The following CEP120 variants were observed in gnomAD, a reference collection of about 807,000 sequenced individuals.
CEP120 encodes centrosomal protein 120.
Under a neutral mutation model 126.5 loss-of-function variants are expected in CEP120, and 113 were observed. The observed-to-expected ratio is 0.89, with a 90% CI of 0.77 to 1.04. The LOEUF (loss-of-function observed/expected upper bound fraction) is 1.04. CEP120 is among the 50% of genes least tolerant of loss of function. CEP120 has a pLI of 0.00. For missense variants in CEP120, 1,230 were observed against 1,155.7 expected (o/e 1.06, Z -0.93); for synonymous variants, 400 against 394.3 (o/e 1.01, Z -0.17).
At chr5:123,374,969 C>G (rs1580669800) in intron 16 of CEP120, among the ~76,000 whole-genome samples, 1 of 152,082 alleles carries the variant, frequency 6.6e-6, no homozygotes, top group African/African-American at 2.4e-5. Context: ...CTGCTATAAT[C>G]TATTTGAGTA....
chr5:123,393,239 G>A, intron 6 of CEP120, 61 bp downstream of exon 6: 2 of 1,437,012 alleles, frequency 1.4e-6, no homozygotes, highest in South Asian at 2.3e-5. Context: ...GTTTAGTTTA[G>A]GTACTAAATT....
chr5:123,389,783 A>G lies in CEP120; in HGVS notation c.1255+141T>C, dbSNP rs1246909747. 3 of 702,876 alleles carry G rather than the reference A, an allele frequency of 4.3e-6. No homozygotes were observed. The East Asian group carries it at 8.1e-5, about 19-fold the overall frequency. 43.5% of individuals were successfully genotyped at this position (702,876 alleles called of 1,614,324 possible). The stretch of plus-strand genomic sequence containing the variant: ...CCAAAGTGCTGGGATTACAGGCGTG[A>G]GCCACCGTGCCCAGCCTTATTGGTT... On this transcript the variant is annotated intron_variant, in intron 8 of 19. Coordinates refer to ENST00000306467, the MANE Select transcript of CEP120 (RefSeq NM_001375405.1).
chr5:123,406,051 A>G (rs1407427065), intron 4 of CEP120, among the ~76,000 whole-genome samples: 1 of 152,150 alleles, frequency 6.6e-6, no homozygotes, highest in Non-Finnish European at 1.5e-5. Context: ...AAATACTAAA[A>G]CAGAAATGAA....
At chr5:123,407,247 A>C (rs1380701455) in intron 4 of CEP120, among the ~76,000 whole-genome samples, 3 of 152,164 alleles carry the variant, frequency 2.0e-5, no homozygotes, top group Admixed American at 6.5e-5. Context: ...TAATAAGGTT[A>C]TTCATGCAAC....
intron 16 of CEP120, among the ~76,000 whole-genome samples, chr5:123,376,958 TGAGAA>T (rs1232391775): frequency 1.3e-5 from 2 of 152,006 alleles, no homozygotes; most frequent in South Asian, 2.1e-4. Flanking sequence ...ATGTGGAAGT[TGAGAA>T]GAGAAAATAC....
At chr5:123,372,606 T>G in intron 17 of CEP120, 44 bp downstream of exon 17, 1 of 1,554,616 alleles carries the variant, frequency 6.4e-7, no homozygotes, top group Non-Finnish European at 8.9e-7. Context: ...TTTTATAAAT[T>G]AATCACTGGG....
At position 123,379,044 on chromosome 5, in the gene CEP120, A is replaced by T. The variant is rs372013119; in HGVS notation, c.2104-616T>A. Among the ~76,000 whole-genome samples the T allele has an allele frequency of 7.2e-5, 11 of 152,212 alleles. No individual in the cohort carries two copies. The East Asian group carries it at 9.7e-4, about 13-fold the overall frequency. On this transcript the variant is annotated intron_variant, in intron 14 of 19. Transcript: ENST00000306467. ...GTAGAAAAGTGTAGTCCAAAAAAAA[A>T]ATATAGTCAAAGAAGCCAAATAGAG...
At chr5:123,348,647 A>G (rs1456326072) in intron 19 of CEP120, among the ~76,000 whole-genome samples, 3 of 152,192 alleles carry the variant, frequency 2.0e-5, no homozygotes, top group Non-Finnish European at 2.9e-5. Flanking sequence ...CACTTCATAC[A>G]TGGAGATATA....
At chr5:123,348,321 T>G (rs1353187284) in intron 19 of CEP120, among the ~76,000 whole-genome samples, 3 of 152,206 alleles carry the variant, frequency 2.0e-5, no homozygotes, top group African/African-American at 7.2e-5. Context: ...TGGATATCTT[T>G]AACCCACCAA....
At chr5:123,351,697 T>A (rs1308165858) in intron 18 of CEP120, among the ~76,000 whole-genome samples, 2 of 152,194 alleles carry the variant, frequency 1.3e-5, no homozygotes, top group Non-Finnish European at 2.9e-5. Flanking sequence ...AATTCATTTA[T>A]GTTTCACATA....
At chr5:123,421,446 T>C (rs1226564520) in intron 1 of CEP120, among the ~76,000 whole-genome samples, 1 of 152,182 alleles carries the variant, frequency 6.6e-6, no homozygotes, top group African/African-American at 2.4e-5. Flanking sequence ...AACAGGCCTC[T>C]CTCAGGACCT....
In CEP120 at chr5:123,398,993, T is replaced by G. The variant is rs963863526; in HGVS notation, c.612+143A>C. Reference sequence around the variant, plus strand: ...AAATTAAGAAGTTTTCTTTCCAGTATGAAAGAAAACATGTTTTGAACTCAT... The same window carrying G: ...AAATTAAGAAGTTTTCTTTCCAGTAGGAAAGAAAACATGTTTTGAACTCAT... On this transcript the variant is annotated intron_variant, in intron 5 of 19. Coordinates refer to ENST00000306467, the MANE Select transcript of CEP120 (RefSeq NM_001375405.1). The G allele has an allele frequency of 2.0e-5, 11 of 544,284 alleles. No homozygotes were observed. In the South Asian group the frequency reaches 4.2e-4, roughly 21 times the overall value. The allele number at this position is 544,284 out of a possible 1,614,324, so 33.7% of individuals were successfully genotyped here. A position where few individuals can be genotyped will look rare whatever the true frequency, so the allele number is the denominator to read the frequency against.
chr5:123,377,157 G>T (rs1360907261), intron 16 of CEP120, among the ~76,000 whole-genome samples: 1 of 152,044 alleles, frequency 6.6e-6, no homozygotes, highest in Admixed American at 6.6e-5. Context: ...ATCAGAAAAA[G>T]ATTTAAGTTG....
chr5:123,350,223 TA>T, intron 18 of CEP120, 134 bp from the exon 19 acceptor site: 1 of 693,262 alleles, frequency 1.4e-6, no homozygotes, highest in Non-Finnish European at 2.3e-6. Context: ...TTTTTTTTTT[TA>T]ACAGAGTCTC....
In CEP120 at chr5:123,372,689, G is replaced by A. The variant is rs532833795; in HGVS notation, c.2442C>T (p.Ile814=). The stretch of plus-strand genomic sequence containing the variant: ...GAAGATTTATTTCAGACTGTAGACG[G>A]ATTTCTGGTTTGTTGTTTTGCTGGT... The part of the protein sequence containing the change: ...FKDQQNNKPE[I]RLQSEINLLT... Residue 814 remains isoleucine (I), a synonymous_variant, in exon 17 of 20, where the codon ATC becomes ATT. Coordinates refer to ENST00000306467, the MANE Select transcript of CEP120 (RefSeq NM_001375405.1). 5.6e-6 allele frequency: 9 copies of A among 1,611,954 alleles called. No homozygotes were observed. Among genetic ancestry groups the A allele is most frequent in the Middle Eastern group, 3.3e-4 (2 of 6,042 alleles).
At chr5:123,406,071 G>A (rs1045803299) in intron 4 of CEP120, among the ~76,000 whole-genome samples, 1 of 151,964 alleles carries the variant, frequency 6.6e-6, no homozygotes, top group African/African-American at 2.4e-5. Flanking sequence ...ATGACTATGA[G>A]AATTGGTTCA....
In CEP120 at chr5:123,377,518, C is replaced by CT; in HGVS notation, c.2213dup (p.Glu739GlyfsTer19). Reference sequence around the variant, plus strand: ...TCCGCTGACGTTCTGATTGCAGTTCCTTTTTTTCTCTTTGAAGCTTAAAAC... The same window carrying CT: ...TCCGCTGACGTTCTGATTGCAGTTCCTTTTTTTTCTCTTTGAAGCTTAAAAC... On this transcript the variant is annotated frameshift_variant, in exon 16 of 20. Transcript: ENST00000306467. LOFTEE classifies it high-confidence loss of function. 1.9e-6 allele frequency: 3 copies of CT among 1,583,228 alleles called. No individual in the cohort carries two copies. The highest frequency in any genetic ancestry group is 2.3e-5 in the East Asian group (1 of 44,230).
chr5:123,404,064 T>A (rs1261650774), intron 4 of CEP120, among the ~76,000 whole-genome samples: 2 of 152,246 alleles, frequency 1.3e-5, no homozygotes, highest in Non-Finnish European at 2.9e-5. Context: ...CTGATGGATA[T>A]ACCACGGATA....
intron 5 of CEP120, among the ~76,000 whole-genome samples, chr5:123,396,736 A>G (rs567595254): frequency 9.8e-5 from 15 of 152,362 alleles, no homozygotes; most frequent in South Asian, 6.2e-4. Context: ...ACTCAAATCT[A>G]TCTTATTCCA....
Sources: allele counts gnomAD v4.1 joint callset (sites outside exome capture counted in the v4.1 genomes callset), GRCh38; gene constraint gnomAD v4.1.1; transcripts MANE v1.5; gene names NCBI Gene and HGNC (gene_info 2026-07-23, HGNC 2026-07-21).